The following NPAS3 variants were observed in gnomAD, a reference collection of about 807,000 sequenced individuals.
NPAS3 encodes neuronal PAS domain-containing protein 3.
Under a neutral mutation model 73.1 loss-of-function variants are expected in NPAS3, and 14 were observed. That is an observed-to-expected ratio of 0.19 (90% confidence interval 0.13 to 0.30). The LOEUF (loss-of-function observed/expected upper bound fraction) is 0.30. NPAS3 is among the 10% of genes least tolerant of loss of function. The pLI is 1.00. For synonymous variants in NPAS3, 620 were observed against 541.5 expected, an observed-to-expected ratio of 1.14 and a Z score of -2.01; for missense variants, 1,096 against 1,250.0, an observed-to-expected ratio of 0.88 and a Z score of 1.86.
intron 2 of NPAS3, among the ~76,000 whole-genome samples, chr14:33,190,591 CGTGAAGAAAAT>C (rs2046135613): frequency 6.6e-6 from 1 of 152,112 alleles, no homozygotes; most frequent in South Asian, 2.1e-4. Context: ...AAGAAGAAAA[CGTGAAGAAAAT>C]GAACAAAGTG....
intron 5 of NPAS3, among the ~76,000 whole-genome samples, chr14:33,626,425 T>A (rs184910378): frequency 6.6e-6 from 1 of 152,274 alleles, no homozygotes; most frequent in East Asian, 1.9e-4. Context: ...TTACAAGACT[T>A]TAAAAATTCT....
At chr14:33,445,343 A>T (rs1293949654) in intron 4 of NPAS3, among the ~76,000 whole-genome samples, 2 of 152,228 alleles carry the variant, frequency 1.3e-5, no homozygotes, top group Non-Finnish European at 2.9e-5. Context: ...AACCTCTGTT[A>T]TCATTCCGTC....
At chr14:33,475,549 T>TAAAAAAAAAAA in intron 4 of NPAS3, among the ~76,000 whole-genome samples, 1 of 112,714 alleles carries the variant, frequency 8.9e-6, no homozygotes, top group Non-Finnish European at 2.0e-5. Flanking sequence ...AACTAAGATC[T>TAAAAAAAAAAA]AAAAAAAAAA....
At chr14:33,547,997 T>C (rs573306077) in intron 4 of NPAS3, among the ~76,000 whole-genome samples, 3 of 152,348 alleles carry the variant, frequency 2.0e-5, no homozygotes, top group South Asian at 4.1e-4. Flanking sequence ...ACTGTAGTAA[T>C]GAAAGTAAGT....
intron 4 of NPAS3, among the ~76,000 whole-genome samples, chr14:33,454,113 A>G (rs2049922591): frequency 6.6e-6 from 1 of 152,120 alleles, no homozygotes; most frequent in Admixed American, 6.5e-5. Flanking sequence ...TGGACCCTGT[A>G]CCCTTTTTCA....
intron 3 of NPAS3, among the ~76,000 whole-genome samples, chr14:33,366,455 G>A (rs186936213): frequency 1.3e-5 from 2 of 152,134 alleles, no homozygotes; most frequent in African/African-American, 2.4e-5. Context: ...AGCAGGTGAA[G>A]CGTGCCTGGA....
intron 1 of NPAS3, among the ~76,000 whole-genome samples, chr14:33,018,844 T>C (rs2039487642): frequency 6.6e-6 from 1 of 152,142 alleles, no homozygotes; most frequent in Non-Finnish European, 1.5e-5. Flanking sequence ...AGAGCATTTA[T>C]GTTGAGTTAA....
At chr14:33,253,126 T>C (rs1372269783) in intron 3 of NPAS3, among the ~76,000 whole-genome samples, 1 of 152,120 alleles carries the variant, frequency 6.6e-6, no homozygotes, top group Non-Finnish European at 1.5e-5. Context: ...ATTATTCTTT[T>C]GGTAGATACC....
chr14:33,640,483 T>C (rs1479954395), intron 5 of NPAS3, among the ~76,000 whole-genome samples: 1 of 152,190 alleles, frequency 6.6e-6, no homozygotes, highest in East Asian at 1.9e-4. Flanking sequence ...AAAATGCACA[T>C]CTTTTTCAAT....
intron 4 of NPAS3, among the ~76,000 whole-genome samples, chr14:33,388,729 A>G (rs777024604): frequency 2.0e-5 from 3 of 151,888 alleles, no homozygotes; most frequent in Non-Finnish European, 2.9e-5. Flanking sequence ...TAGAAAAGCT[A>G]AGGAACTTAT....
At chr14:33,147,928 T>C (rs1356963199) in intron 2 of NPAS3, among the ~76,000 whole-genome samples, 1 of 151,974 alleles carries the variant, frequency 6.6e-6, no homozygotes, top group East Asian at 1.9e-4. Flanking sequence ...AAAGCTTTTG[T>C]ACATACACAC....
At chr14:33,782,242 C>A (rs2098894051) in intron 9 of NPAS3, among the ~76,000 whole-genome samples, 1 of 152,190 alleles carries the variant, frequency 6.6e-6, no homozygotes, top group Non-Finnish European at 1.5e-5. Context: ...CTTCCTCCCT[C>A]CAGTTCTCCA....
chr14:33,450,869 T>C (rs2049760096), intron 4 of NPAS3, among the ~76,000 whole-genome samples: 2 of 152,234 alleles, frequency 1.3e-5, no homozygotes, highest in African/African-American at 4.8e-5. Flanking sequence ...CTAGAGTTCT[T>C]TTTTACTACA....
chr14:33,447,999 G>A (rs1407096671), intron 4 of NPAS3, among the ~76,000 whole-genome samples: 1 of 152,210 alleles, frequency 6.6e-6, no homozygotes, highest in Admixed American at 6.5e-5. Flanking sequence ...TACATGTGTG[G>A]CAGAGGGAAC....
intron 3 of NPAS3, among the ~76,000 whole-genome samples, chr14:33,302,387 A>C (rs2042587019): frequency 6.6e-6 from 1 of 152,174 alleles, no homozygotes; most frequent in Non-Finnish European, 1.5e-5. Context: ...AAACTCAAAA[A>C]ATGATGGATG....
rs1298601965 is a variant in NPAS3, at chr14:33,450,486, A to G, written c.468+83218A>G. On this transcript the variant is annotated intron_variant, in intron 4 of 11. Coordinates refer to ENST00000356141, the Ensembl canonical transcript of NPAS3. ...TATTTTTTTAATTCCTGTGTTATTC[A>G]TGAAATGAGATAGATCCTGAAAAAA... Among the ~76,000 whole-genome samples, 4 of 152,156 alleles carry G rather than the reference A, an allele frequency of 2.6e-5. No homozygotes were observed. In the East Asian group the frequency reaches 7.7e-4, roughly 29 times the overall value.
At chr14:33,225,296 A>G (rs1566697577) in intron 3 of NPAS3, among the ~76,000 whole-genome samples, 1 of 152,232 alleles carries the variant, frequency 6.6e-6, no homozygotes, top group Non-Finnish European at 1.5e-5. Context: ...TCCATTTAAG[A>G]GTCATACATG....
rs746622002 is a variant in NPAS3 at position 33,794,067 on chromosome 14, A to G, written c.1301+23A>G. ...TAGGTATATTTTCTACTTCTTTTCT[A>G]TTTCTGTCCTGGTTATAAAATATGC... On this transcript the variant is annotated intron_variant, in intron 10 of 11. Transcript: ENST00000356141. 3.8e-6 allele frequency: 6 copies of G among 1,597,828 alleles called. No individual in the cohort carries two copies. The South Asian group carries it at 6.6e-5, about 18-fold the overall frequency.
At chr14:33,131,436 G>GGTCTAGCTATTACCTCCTAAGA (rs71118529) in intron 2 of NPAS3, among the ~76,000 whole-genome samples, 2 of 152,018 alleles carry the variant, frequency 1.3e-5, no homozygotes, top group African/African-American at 4.8e-5. Flanking sequence ...ACTTCCACGT[G>GGTCTAGCTATTACCTCCTAAGA]GTTAAGCAGA....
Sources: allele counts gnomAD v4.1 joint callset (sites outside exome capture counted in the v4.1 genomes callset), GRCh38; gene constraint gnomAD v4.1.1; transcripts MANE v1.5; gene names NCBI Gene and HGNC (gene_info 2026-07-23, HGNC 2026-07-21).